The following KANK1 variants were observed in gnomAD, a reference collection of about 807,000 sequenced individuals.
KANK1 encodes KN motif and ankyrin repeat domains 1.
KANK1 carries 109 observed loss-of-function variants against 106.2 expected under a neutral mutation model. The observed-to-expected ratio is 1.03, with a 90% CI of 0.88 to 1.20. The LOEUF (loss-of-function observed/expected upper bound fraction) is 1.20. KANK1 is among the 50% of genes most tolerant of loss of function. KANK1 has a pLI of 0.00. For missense variants in KANK1, 2,399 were observed against 1,710.7 expected, an observed-to-expected ratio of 1.40 and a Z score of -7.10; for synonymous variants, 873 against 652.2, an observed-to-expected ratio of 1.34 and a Z score of -5.16.
At chr9:520,321 A>T (rs569398389) in intron 1 of KANK1, among the ~76,000 whole-genome samples, 1 of 151,886 alleles carries the variant, frequency 6.6e-6, no homozygotes, top group South Asian at 2.1e-4. Context: ...CCTGCTTGGT[A>T]GAGTGAGACC....
rs150940551 is a variant in KANK1, at chr9:686,883, G to T, written c.37+9874G>T. ...TTCACAACACCTCAGGACACTGATT[G>T]TAAATGAAGAATCCTGAGACTAAAC... On this transcript the variant is annotated intron_variant, in intron 2 of 11. Coordinates refer to ENST00000382297, the MANE Select transcript of KANK1 (RefSeq NM_015158.5). 1.6e-4 allele frequency: 162 copies of T among 985,338 alleles called. 1 individual carries two copies. In the East Asian group the frequency reaches 0.016, roughly 95 times the overall value. 61.0% of individuals were successfully genotyped at this position (985,338 alleles called of 1,614,324 possible).
chr9:573,024 A>C (rs1819610452), intron 1 of KANK1, among the ~76,000 whole-genome samples: 1 of 152,166 alleles, frequency 6.6e-6, no homozygotes, highest in Non-Finnish European at 1.5e-5. Flanking sequence ...GCTTTGTGAG[A>C]AAATATTTGA....
chr9:663,058 A>T (rs7870662), intron 1 of KANK1, among the ~76,000 whole-genome samples: 127,531 of 152,100 alleles, frequency 0.84, 53,607 homozygotes, highest in East Asian at 0.97. Flanking sequence ...CCAGGCACAC[A>T]CGAGCTTGTC....
At chr9:594,746 T>TA (rs1588104431) in intron 1 of KANK1, among the ~76,000 whole-genome samples, 2 of 151,784 alleles carry the variant, frequency 1.3e-5, no homozygotes, top group Admixed American at 6.6e-5. Context: ...TTCTAGAATT[T>TA]AAAAAAATTA....
intron 1 of KANK1, among the ~76,000 whole-genome samples, chr9:651,124 C>A (rs1408145809): frequency 6.6e-6 from 1 of 152,094 alleles, no homozygotes; most frequent in African/African-American, 2.4e-5. Context: ...GTTTTCGGAA[C>A]CCCTTCAATT....
At chr9:507,323 C>T (rs2058806604) in intron 1 of KANK1, among the ~76,000 whole-genome samples, 1 of 152,136 alleles carries the variant, frequency 6.6e-6, no homozygotes, top group Middle Eastern at 3.4e-3. Context: ...CCACTGCACT[C>T]CAGCCTAGAT....
intron 1 of KANK1, among the ~76,000 whole-genome samples, chr9:551,185 G>A (rs762294125): frequency 1.3e-5 from 2 of 151,502 alleles, no homozygotes; most frequent in Non-Finnish European, 2.9e-5. Flanking sequence ...TGTTGCCTGG[G>A]GCTTTTCGCA....
intron 1 of KANK1, among the ~76,000 whole-genome samples, chr9:530,552 C>CT (rs2060011475): frequency 6.6e-6 from 1 of 152,124 alleles, no homozygotes; most frequent in African/African-American, 2.4e-5. Context: ...GTTGCTCTGC[C>CT]TAGCTCTGTG....
At chr9:602,347 G>T (rs1389418495) in intron 1 of KANK1, among the ~76,000 whole-genome samples, 1 of 151,496 alleles carries the variant, frequency 6.6e-6, no homozygotes, top group African/African-American at 2.4e-5. Flanking sequence ...GCAACCTCCC[G>T]CTCCTGGGTT....
intron 1 of KANK1, among the ~76,000 whole-genome samples, chr9:521,787 C>T (rs371444261): frequency 6.6e-6 from 1 of 151,332 alleles, no homozygotes; most frequent in Non-Finnish European, 1.5e-5. Context: ...AGGCTGGTCT[C>T]GAACTCCTGA....
chr9:503,780 T>A (rs1178209153), upstream of KANK1, among the ~76,000 whole-genome samples: 1 of 152,210 alleles, frequency 6.6e-6, no homozygotes, highest in African/African-American at 2.4e-5. Context: ...AAGACTGAAG[T>A]CACAGCTTCT....
At chr9:603,257 C>G (rs1046680993) in intron 1 of KANK1, among the ~76,000 whole-genome samples, 2 of 151,844 alleles carry the variant, frequency 1.3e-5, no homozygotes, top group East Asian at 3.8e-4. Context: ...CAGAGTGTGG[C>G]ACAAATCTCA....
chr9:591,556 A>T (rs908472566), intron 1 of KANK1, among the ~76,000 whole-genome samples: 1 of 151,844 alleles, frequency 6.6e-6, no homozygotes, highest in African/African-American at 2.4e-5. Flanking sequence ...TCCAGGGAAT[A>T]TGCCAACCTC....
chr9:658,471 G>GA (rs147565258), intron 1 of KANK1, among the ~76,000 whole-genome samples: 9 of 150,506 alleles, frequency 6.0e-5, no homozygotes, highest in East Asian at 1.9e-4. Flanking sequence ...ACCTTTTAAA[G>GA]AAAAAAAAAG....
chr9:493,157 T>A (rs1006244254), intron 3 of KANK1, among the ~76,000 whole-genome samples: 1 of 149,936 alleles, frequency 6.7e-6, no homozygotes, highest in Non-Finnish European at 1.5e-5. Flanking sequence ...GACCATAGAA[T>A]ATGGCAGAAG....
chr9:725,787 C>T (rs930724229), intron 3 of KANK1, among the ~76,000 whole-genome samples: 2 of 152,090 alleles, frequency 1.3e-5, no homozygotes, highest in African/African-American at 2.4e-5. Flanking sequence ...GCTTGTTATT[C>T]GTTCTTTTTC....
chr9:738,352 C>T lies in KANK1; in HGVS notation c.3401C>T (p.Ala1134Val), dbSNP rs772380297. 3 of 1,614,130 alleles carry T rather than the reference C, an allele frequency of 1.9e-6. No individual in the cohort carries two copies. Among genetic ancestry groups the T allele is most frequent in the Non-Finnish European group, 2.5e-6 (3 of 1,180,014 alleles). Residue 1134 changes from alanine to valine, a missense_variant, in exon 8 of 12, where the codon GCC (alanine) becomes GTC (valine). Physicochemically the swap from Ala to Val is moderately conservative, Grantham distance 64. Coordinates refer to ENST00000382297, the MANE Select transcript of KANK1 (RefSeq NM_015158.5). The stretch of plus-strand genomic sequence containing the variant: ...TCCAGTCAGAAGTCAGCCATTCCAG[C>T]CATGGTGGGGGACTACATAGCTGCT... The part of the protein sequence containing the change: ...RVSSQKSAIP[A>V]MVGDYIAAFE...
At chr9:651,275 TTA>T (rs1417874332) in intron 1 of KANK1, among the ~76,000 whole-genome samples, 1 of 152,216 alleles carries the variant, frequency 6.6e-6, no homozygotes, top group East Asian at 1.9e-4. Flanking sequence ...ATATTTTTCT[TTA>T]TATTCTTTGT....
intron 1 of KANK1, among the ~76,000 whole-genome samples, chr9:600,053 CAT>C (rs907334416): frequency 6.6e-5 from 10 of 151,846 alleles, no homozygotes; most frequent in Admixed American, 5.2e-4. Context: ...TTGTGTTAGG[CAT>C]AACACATAAT....
Sources: gnomAD v4.1 joint callset for allele counts (sites outside exome capture counted in the v4.1 genomes callset) on GRCh38, gnomAD v4.1.1 for gene constraint, MANE v1.5 for transcripts, NCBI Gene and HGNC (gene_info 2026-07-23, HGNC 2026-07-21) for gene names.